Variants in HK1 observed in about 807,000 individuals in gnomAD.
The protein encoded by HK1 is hexokinase 1, also known as hexokinase-1.
HK1 carries 28 observed loss-of-function variants against 91.6 expected under a neutral mutation model. The ratio of observed to expected loss-of-function variants is 0.31; its 90% confidence interval spans 0.23 to 0.42. The LOEUF is 0.42. Among genes scored for constraint, HK1 ranks in the 10% least tolerant of loss-of-function variants. The pLI is 1.00. For synonymous variants in HK1, 430 were observed against 468.1 expected, an observed-to-expected ratio of 0.92 and a Z score of 1.05; for missense variants, 770 against 1,219.8, an observed-to-expected ratio of 0.63 and a Z score of 5.49.
intron 10 of HK1, 107 bp from the exon 11 acceptor site, chr10:69,384,226 A>G (rs1451564271): frequency 3.0e-6 from 4 of 1,327,786 alleles, no homozygotes; most frequent in South Asian, 1.2e-5. Flanking sequence ...CTTCTCCTCT[A>G]TGTTTGCTAT....
chr10:69,357,113 C>T (rs1849175191), intron 2 of HK1, among the ~76,000 whole-genome samples: 1 of 152,112 alleles, frequency 6.6e-6, no homozygotes, highest in Non-Finnish European at 1.5e-5. Context: ...AATGGTGCAG[C>T]TGCTTTGAAG....
chr10:69,311,644 T>C (rs1786205844), upstream of HK1, among the ~76,000 whole-genome samples: 2 of 151,638 alleles, frequency 1.3e-5, no homozygotes, highest in South Asian at 4.2e-4. Flanking sequence ...CAATTCTTTC[T>C]TTTTTTTTCT....
intron 7 of HK1, among the ~76,000 whole-genome samples, chr10:69,373,617 G>T (rs1850131991): frequency 6.7e-6 from 1 of 149,820 alleles, no homozygotes; most frequent in Non-Finnish European, 1.5e-5. Flanking sequence ...TTGAGACAGG[G>T]TATCACTCTG....
At chr10:69,322,210 G>A (rs1589479946) in intron 1 of HK1, among the ~76,000 whole-genome samples, 1 of 152,316 alleles carries the variant, frequency 6.6e-6, no homozygotes, top group East Asian at 1.9e-4. Flanking sequence ...AGAATGGTGA[G>A]CAAATGCCAG....
intron 2 of HK1, among the ~76,000 whole-genome samples, chr10:69,348,815 A>G (rs1174118343): frequency 2.0e-5 from 3 of 152,188 alleles, no homozygotes; most frequent in African/African-American, 7.2e-5. Flanking sequence ...CAAAAAAAAA[A>G]AAAAGAAGAA....
chr10:69,299,601 G>A (rs930212212), intron 4 of HK1, among the ~76,000 whole-genome samples: 2 of 150,816 alleles, frequency 1.3e-5, no homozygotes, highest in East Asian at 1.9e-4. Context: ...TCCTGACCTC[G>A]TGATTGCCCA....
intron 1 of HK1, among the ~76,000 whole-genome samples, chr10:69,339,477 G>A (rs1454003399): frequency 1.3e-5 from 2 of 152,240 alleles, no homozygotes; most frequent in Admixed American, 1.3e-4. Context: ...TCTCTTCTGA[G>A]AGGGGTTGTA....
At chr10:69,306,226 C>T (rs896852231) in intron 5 of HK1, among the ~76,000 whole-genome samples, 4 of 151,712 alleles carry the variant, frequency 2.6e-5, no homozygotes, top group South Asian at 2.1e-4. Flanking sequence ...CGCATTGTGG[C>T]GGGCACCTGT....
intron 4 of HK1, among the ~76,000 whole-genome samples, chr10:69,299,264 G>T (rs886212882): frequency 6.6e-6 from 1 of 151,388 alleles, no homozygotes; most frequent in Admixed American, 6.6e-5. Context: ...CCTCCACCCC[G>T]TGGGCTCAAG....
intron 1 of HK1, among the ~76,000 whole-genome samples, chr10:69,279,345 G>A (rs1844625227): frequency 6.6e-6 from 1 of 152,238 alleles, no homozygotes; most frequent in African/African-American, 2.4e-5. Flanking sequence ...TTTGTACTCT[G>A]TCACATTTGC....
intron 2 of HK1, among the ~76,000 whole-genome samples, chr10:69,283,894 C>T (rs1589435377): frequency 6.6e-6 from 1 of 151,626 alleles, no homozygotes; most frequent in African/African-American, 2.4e-5. Flanking sequence ...GGGGTTTAAG[C>T]CCACTTATTT....
At chr10:69,391,987 G>T in intron 14 of HK1, 138 bp from the exon 15 acceptor site, 1 of 815,114 alleles carries the variant, frequency 1.2e-6, no homozygotes, top group East Asian at 2.7e-5. Flanking sequence ...TCAAAATTGG[G>T]AAAGAAAAAC....
intron 1 of HK1, among the ~76,000 whole-genome samples, chr10:69,331,346 G>A (rs751462621): frequency 1.3e-5 from 2 of 152,224 alleles, no homozygotes; most frequent in African/African-American, 2.4e-5. Context: ...CAGCTACTGC[G>A]TGTTCTACAT....
chr10:69,355,843 T>C (rs1849099829), intron 2 of HK1, among the ~76,000 whole-genome samples: 1 of 152,024 alleles, frequency 6.6e-6, no homozygotes. Flanking sequence ...TACGGTCAAT[T>C]GACTTTTGAC....
chr10:69,401,290 G>A lies in HK1; in HGVS notation c.*155G>A. The A allele has an allele frequency of 5.1e-6, 4 of 783,116 alleles. No homozygotes were observed. The highest frequency in any genetic ancestry group is 3.1e-5 in the South Asian group (2 of 64,964). 48.5% of individuals were successfully genotyped at this position (783,116 alleles called of 1,614,324 possible). A position where few individuals can be genotyped will look rare whatever the true frequency, so the allele number is the denominator to read the frequency against. ...TCCAACTAATGGTATATATTGTAGG[G>A]TACAGAATAGAGCGTGTGCTGTTGA... On this transcript the variant is annotated 3_prime_UTR_variant, in exon 18 of 18. Transcript: ENST00000359426.
At chr10:69,317,597 G>A (rs773518154), upstream of HK1, among the ~76,000 whole-genome samples, 9 of 152,138 alleles carry the variant, frequency 5.9e-5, no homozygotes, top group Non-Finnish European at 1.0e-4. Context: ...CTTGGTTGCA[G>A]GAAAGTGACC....
intron 2 of HK1, 87 bp from the exon 3 acceptor site, chr10:69,359,810 G>T: frequency 7.7e-7 from 1 of 1,307,156 alleles, no homozygotes; most frequent in Non-Finnish European, 1.1e-6. Flanking sequence ...GGCAGACAGG[G>T]CCTACGCCCT....
In HK1 at chr10:69,369,641, T is replaced by C. The variant is rs2132817229; in HGVS notation, c.875+17T>C. On this transcript the variant is annotated intron_variant, in intron 7 of 17. Transcript: ENST00000359426. The surrounding 1 kb of genome is among the most constrained non-coding windows in gnomAD (Gnocchi z 4.4). ...AAAACAGCTGTGAGTCCTTGACTTT[T>C]GCTTCTAACCACATATGTGAGTTAG... is the stretch of plus-strand genomic sequence containing the variant. The C allele has an allele frequency of 6.2e-7, 1 of 1,610,550 alleles. No individual in the cohort carries two copies.
chr10:69,301,888 G>C (rs916863031), intron 5 of HK1, among the ~76,000 whole-genome samples: 1 of 152,058 alleles, frequency 6.6e-6, no homozygotes, highest in Non-Finnish European at 1.5e-5. Flanking sequence ...AAATGGAAGG[G>C]GTGCCGAATA....
Sources: gnomAD v4.1 joint callset for allele counts (sites outside exome capture counted in the v4.1 genomes callset) on GRCh38, gnomAD v4.1.1 for gene constraint, Gnocchi (gnomAD v3.1) non-coding constraint, MANE v1.5 for transcripts, NCBI Gene and HGNC (gene_info 2026-07-23, HGNC 2026-07-21) for gene names.